Variants in PAM observed in about 807,000 individuals in gnomAD.
PAM encodes peptidylglycine alpha-amidating monooxygenase, also known as peptidyl-glycine alpha-amidating monooxygenase.
Under a neutral mutation model 122.1 loss-of-function variants are expected in PAM, and 72 were observed. The ratio of observed to expected loss-of-function variants is 0.59; its 90% CI spans 0.49 to 0.72. PAM has a LOEUF of 0.72. PAM is among the 30% of genes least tolerant of loss of function. The pLI is 0.00. For synonymous variants in PAM, 389 were observed against 404.4 expected (o/e 0.96, Z 0.46); for missense variants, 1,106 against 1,183.7 (o/e 0.93, Z 0.96).
chr5:102,802,024 C>T (rs1156856575), intron 1 of PAM, among the ~76,000 whole-genome samples: 2 of 151,686 alleles, frequency 1.3e-5, no homozygotes, highest in East Asian at 3.9e-4. Context: ...ACCTCGTGAT[C>T]CACCCGCCTC....
intron 21 of PAM, 96 bp from the exon 22 acceptor site, chr5:103,017,238 T>G: frequency 2.5e-6 from 2 of 800,022 alleles, no homozygotes; most frequent in Non-Finnish European, 4.3e-6. Flanking sequence ...ATATGTTTTG[T>G]TGTTTTGTTG....
intron 1 of PAM, among the ~76,000 whole-genome samples, chr5:102,758,551 G>A (rs77104807): frequency 0.029 from 4,376 of 152,260 alleles, 110 homozygotes; most frequent in East Asian, 0.14. Flanking sequence ...TCAAAAGATG[G>A]GCTGTGAATA....
intron 23 of PAM, among the ~76,000 whole-genome samples, chr5:103,022,655 T>A (rs1260266754): frequency 6.6e-6 from 1 of 152,184 alleles, no homozygotes; most frequent in Non-Finnish European, 1.5e-5. Flanking sequence ...TGGCATTTTA[T>A]ATGACAAAAG....
chr5:102,817,797 C>T (rs1362855272), intron 1 of PAM, among the ~76,000 whole-genome samples: 1 of 152,056 alleles, frequency 6.6e-6, no homozygotes, highest in Non-Finnish European at 1.5e-5. Context: ...TTTTAGTAAA[C>T]CAAGTCCTCA....
intron 4 of PAM, 91 bp from the exon 5 acceptor site, chr5:102,913,843 G>C: frequency 5.5e-6 from 4 of 726,658 alleles, no homozygotes; most frequent in Middle Eastern, 2.4e-4. Context: ...TTGTTATACA[G>C]GTATTTGAAC....
At chr5:102,948,589 T>C (rs1757756978) in intron 9 of PAM, 144 bp downstream of exon 9, 1 of 539,222 alleles carries the variant, frequency 1.9e-6, no homozygotes, top group Admixed American at 3.1e-5. Flanking sequence ...TGTCCTTGGA[T>C]TTAAAATAGA....
In PAM at chr5:102,867,270, A is replaced by G. The variant is rs766055359; in HGVS notation, c.90-3A>G. The G allele has an allele frequency of 1.3e-6, 2 of 1,591,992 alleles. No homozygotes were observed. The highest frequency in any genetic ancestry group is 1.7e-5 in the Admixed American group (1 of 59,484). ...GAATATTGAAATTGCCCTCTTTTTT[A>G]AGGTTTAAAGAAACTACCAGACCAT... On this transcript the variant is annotated splice_polypyrimidine_tract_variant and splice_region_variant and intron_variant, in intron 2 of 25. Coordinates refer to ENST00000438793, the MANE Select transcript of PAM (RefSeq NM_001177306.2).
chr5:102,867,976 G>T (rs1051485894), intron 3 of PAM, among the ~76,000 whole-genome samples: 23 of 152,206 alleles, frequency 1.5e-4, no homozygotes, highest in African/African-American at 5.5e-4. Flanking sequence ...GTGACTTATA[G>T]AGCATTTTGT....
At chr5:102,803,204 A>T (rs1471196696) in intron 1 of PAM, among the ~76,000 whole-genome samples, 1 of 37,038 alleles carries the variant, frequency 2.7e-5, no homozygotes, top group South Asian at 1.1e-3. Flanking sequence ...GAAGGAAGGA[A>T]GGAAAGAAGG....
intron 1 of PAM, among the ~76,000 whole-genome samples, chr5:102,772,898 G>C (rs1245849065): frequency 1.3e-5 from 2 of 152,042 alleles, no homozygotes; most frequent in African/African-American, 4.8e-5. Flanking sequence ...AATATCTGGA[G>C]TTTCATATGA....
At chr5:102,845,217 ATG>A (rs1475311848) in intron 1 of PAM, among the ~76,000 whole-genome samples, 1 of 152,222 alleles carries the variant, frequency 6.6e-6, no homozygotes, top group African/African-American at 2.4e-5. Context: ...TGTGGTTAGG[ATG>A]CTGCACATGA....
At chr5:103,019,881 C>G in intron 23 of PAM, 38 bp downstream of exon 23, 1 of 1,292,042 alleles carries the variant, frequency 7.7e-7, no homozygotes, top group Non-Finnish European at 1.1e-6. Flanking sequence ...AAACCAAAGT[C>G]TGGCTGTGTT....
At chr5:102,857,856 G>A (rs1409112574) in intron 1 of PAM, among the ~76,000 whole-genome samples, 4 of 152,264 alleles carry the variant, frequency 2.6e-5, no homozygotes, top group East Asian at 1.9e-4. Context: ...GGTATTCAAA[G>A]GATTTACCTA....
chr5:103,022,879 A>AT (rs1156911716), intron 23 of PAM, among the ~76,000 whole-genome samples: 1 of 152,116 alleles, frequency 6.6e-6, no homozygotes, highest in Non-Finnish European at 1.5e-5. Flanking sequence ...TGTTTTAGGC[A>AT]TTTTACCCCA....
At chr5:102,983,064 A>G (rs1370051620) in intron 15 of PAM, among the ~76,000 whole-genome samples, 1 of 152,046 alleles carries the variant, frequency 6.6e-6, no homozygotes, top group African/African-American at 2.4e-5. Context: ...AATTTAATCA[A>G]ATGAAATAAA....
At chr5:102,996,635 A>G (rs1775787912) in intron 16 of PAM, among the ~76,000 whole-genome samples, 1 of 152,226 alleles carries the variant, frequency 6.6e-6, no homozygotes, top group African/African-American at 2.4e-5. Flanking sequence ...GTGAAGCTCC[A>G]GCCATCCCAA....
intron 5 of PAM, among the ~76,000 whole-genome samples, chr5:102,917,547 A>G (rs1479406635): frequency 6.6e-6 from 1 of 152,198 alleles, no homozygotes; most frequent in Non-Finnish European, 1.5e-5. Flanking sequence ...AGAAAAAGCT[A>G]TTTTAACATC....
chr5:102,786,966 G>A (rs1760715058), intron 1 of PAM, among the ~76,000 whole-genome samples: 1 of 152,084 alleles, frequency 6.6e-6, no homozygotes, highest in Non-Finnish European at 1.5e-5. Context: ...CCCCTGTAAT[G>A]AGAAGAAGGT....
chr5:102,876,317 C>G (rs1416733273), intron 3 of PAM, among the ~76,000 whole-genome samples: 2 of 152,148 alleles, frequency 1.3e-5, no homozygotes, highest in Non-Finnish European at 2.9e-5. Flanking sequence ...CCTAACTGAC[C>G]TACCTTGTAC....
Sources: gnomAD v4.1 joint callset for allele counts (sites outside exome capture counted in the v4.1 genomes callset) on GRCh38, gnomAD v4.1.1 for gene constraint, MANE v1.5 for transcripts, NCBI Gene and HGNC (gene_info 2026-07-23, HGNC 2026-07-21) for gene names.